Variants in FGD3 observed in about 807,000 individuals in gnomAD.
The protein encoded by FGD3 is FYVE, RhoGEF and PH domain containing 3, also known as FYVE, RhoGEF and PH domain-containing protein 3.
FGD3 carries 45 observed loss-of-function variants against 71.8 expected under a neutral mutation model. The ratio of observed to expected loss-of-function variants is 0.63; its 90% CI spans 0.49 to 0.80. The LOEUF is 0.80. Ranked by LOEUF, FGD3 falls within the 30% of genes least tolerant of loss-of-function variation. The pLI is 0.00. For synonymous variants in FGD3, 378 were observed against 392.8 expected (o/e 0.96, Z 0.44); for missense variants, 844 against 951.5 (o/e 0.89, Z 1.49).
chr9:93,012,432 A>G (rs1457875505), intron 8 of FGD3, among the ~76,000 whole-genome samples: 1 of 152,082 alleles, frequency 6.6e-6, no homozygotes, highest in South Asian at 2.1e-4. Flanking sequence ...AGTGTCAGCC[A>G]TGTGTTACCA....
intron 17 of FGD3, among the ~76,000 whole-genome samples, chr9:93,035,056 G>A (rs1001721301): frequency 6.6e-6 from 1 of 152,190 alleles, no homozygotes; most frequent in Non-Finnish European, 1.5e-5. Context: ...CTCCCCAGGG[G>A]CCAGACAGCC....
intron 1 of FGD3, among the ~76,000 whole-genome samples, chr9:92,962,380 A>G (rs1859184230): frequency 6.6e-6 from 1 of 152,140 alleles, no homozygotes; most frequent in Non-Finnish European, 1.5e-5. Context: ...TGTAGAGGAG[A>G]AGGCTGAACC....
chr9:93,025,663 A>G (rs1862089115), intron 14 of FGD3, among the ~76,000 whole-genome samples: 1 of 152,244 alleles, frequency 6.6e-6, no homozygotes, highest in South Asian at 2.1e-4. Flanking sequence ...CACCCAAGCC[A>G]GGAAGTTTTG....
chr9:93,015,235 C>G (rs1861623091), intron 9 of FGD3, among the ~76,000 whole-genome samples: 1 of 152,070 alleles, frequency 6.6e-6, no homozygotes, highest in African/African-American at 2.4e-5. Context: ...GTGGGCGGAT[C>G]ACCTGAGGTC....
At chr9:93,004,325 C>T (rs553253939) in intron 5 of FGD3, among the ~76,000 whole-genome samples, 188 bp downstream of exon 5, 4 of 152,298 alleles carry the variant, frequency 2.6e-5, no homozygotes, top group South Asian at 4.1e-4. Flanking sequence ...CAGCCACTTA[C>T]GGTCTCCAAG....
At chr9:92,977,285 AGTTT>A (rs1385138573) in intron 3 of FGD3, among the ~76,000 whole-genome samples, 2 of 151,802 alleles carry the variant, frequency 1.3e-5, no homozygotes, top group African/African-American at 4.8e-5. Context: ...GCATGGAGGG[AGTTT>A]GTTTGCGTTC....
At chr9:92,993,483 T>C (rs1044692562) in intron 3 of FGD3, among the ~76,000 whole-genome samples, 4 of 152,204 alleles carry the variant, frequency 2.6e-5, no homozygotes, top group African/African-American at 9.6e-5. Flanking sequence ...ATTATTATTA[T>C]ACTTCAAGTT....
At chr9:92,986,669 G>C (rs1860198424) in intron 3 of FGD3, among the ~76,000 whole-genome samples, 1 of 152,208 alleles carries the variant, frequency 6.6e-6, no homozygotes, top group African/African-American at 2.4e-5. Flanking sequence ...AAGTAGGCAG[G>C]GTCCTTAAAG....
intron 1 of FGD3, among the ~76,000 whole-genome samples, chr9:92,968,453 C>T (rs927841209): frequency 5.3e-5 from 8 of 152,108 alleles, no homozygotes; most frequent in Admixed American, 3.3e-4. Context: ...ACTGAGTTCT[C>T]AGCAGAGATG....
chr9:92,999,487 C>A (rs1280494900), intron 3 of FGD3, among the ~76,000 whole-genome samples: 1 of 151,984 alleles, frequency 6.6e-6, no homozygotes, highest in Non-Finnish European at 1.5e-5. Context: ...CCAGTGAGAT[C>A]AACCTGGTAC....
At chr9:93,023,604 CTCT>C (rs1862009269) in intron 14 of FGD3, among the ~76,000 whole-genome samples, 2 of 152,142 alleles carry the variant, frequency 1.3e-5, no homozygotes, top group South Asian at 4.1e-4. Flanking sequence ...TCTCACTTGT[CTCT>C]TCTTGTGTCT....
chr9:92,971,076 C>G lies in FGD3; in HGVS notation c.-217-4162C>G, dbSNP rs116710812. On this transcript the variant is annotated intron_variant, in intron 1 of 17. Coordinates refer to ENST00000375482, the MANE Select transcript of FGD3 (RefSeq NM_001083536.2). ...TTAGGGGCTCCTCAACCCAGGTTGC[C>G]CCCACCAAGGGCACCCTAAAAACCT... Among the ~76,000 whole-genome samples the G allele has an allele frequency of 7.3e-3, 1,119 of 152,284 alleles. 16 individuals are homozygous for G. Among genetic ancestry groups the G allele is most frequent in the African/African-American group, 0.025 (1,044 of 41,564 alleles).
At chr9:92,978,534 G>A (rs928938994) in intron 3 of FGD3, among the ~76,000 whole-genome samples, 1 of 151,764 alleles carries the variant, frequency 6.6e-6, no homozygotes, top group Non-Finnish European at 1.5e-5. Context: ...TGGCCAGTTT[G>A]CAGAGGCTGC....
At chr9:93,001,343 A>G (rs548965823) in intron 3 of FGD3, among the ~76,000 whole-genome samples, 23 of 152,262 alleles carry the variant, frequency 1.5e-4, no homozygotes, top group African/African-American at 4.1e-4. Flanking sequence ...TGATTGGGCT[A>G]CATTTTTCTG....
rs1312970847 is a variant in FGD3, at chr9:93,025,881, C to T, written c.1557+3492C>T. Among the ~76,000 whole-genome samples the T allele has an allele frequency of 2.6e-5, 4 of 152,234 alleles. No homozygotes were observed. In the East Asian group the frequency reaches 7.7e-4, roughly 29 times the overall value. On this transcript the variant is annotated intron_variant, in intron 14 of 17. Coordinates refer to ENST00000375482, the MANE Select transcript of FGD3 (RefSeq NM_001083536.2). Reference sequence around the variant, plus strand: ...GGGCCTCTTCTCAGGCACTGCCCCTCCTGGGACGAGGCCACGCCCTGTGTC... The same window carrying T: ...GGGCCTCTTCTCAGGCACTGCCCCTTCTGGGACGAGGCCACGCCCTGTGTC...
At position 93,006,115 on chromosome 9, in the gene FGD3, G is replaced by A. The variant is rs371917520; in HGVS notation, c.772G>A (p.Val258Ile). The change falls in exon 6 of 18, where the codon GTA (valine) becomes ATA (isoleucine). Residue 258 changes from valine to isoleucine, a missense_variant. By Grantham distance (29) the Val-to-Ile change is conservative (BLOSUM62 3). Coordinates refer to ENST00000375482, the MANE Select transcript of FGD3 (RefSeq NM_001083536.2). Reference protein sequence around the residue: ...GEYVKNFDRAVGLVSTWTQRS... With the variant: ...GEYVKNFDRAIGLVSTWTQRS... ...GTATGTCAAGAACTTTGACCGAGCC[G>A]TAGGGCTGGTGAGCACGTGGACCCA... is the stretch of plus-strand genomic sequence containing the variant. 3.2e-5 allele frequency: 52 copies of A among 1,613,176 alleles called. No individual in the cohort carries two copies. The highest frequency in any genetic ancestry group is 1.3e-4 in the South Asian group (12 of 90,914).
At chr9:92,983,551 T>C (rs1860077061) in intron 3 of FGD3, among the ~76,000 whole-genome samples, 1 of 152,116 alleles carries the variant, frequency 6.6e-6, no homozygotes, top group East Asian at 1.9e-4. Flanking sequence ...GAAAAACAGT[T>C]ATCATTATTA....
chr9:93,004,237 G>A (rs1860966552), intron 5 of FGD3, 100 bp downstream of exon 5: 1 of 1,489,152 alleles, frequency 6.7e-7, no homozygotes, highest in African/African-American at 1.4e-5. Context: ...ACTGTCTCAT[G>A]GTGGCTGGGC....
rs191016255 is a variant in FGD3 at position 93,011,372 on chromosome 9, G to T, written c.1035+100G>T. ...CCCCTTTGCCGCTATCCTTTGGGGG[G>T]CTCCACAAGTGACTCTTTTATACCT... On this transcript the variant is annotated intron_variant, in intron 8 of 17. Transcript: ENST00000375482. 9.1e-6 allele frequency: 13 copies of T among 1,433,770 alleles called. No individual in the cohort carries two copies. The African/African-American group carries it at 1.3e-4, about 14-fold the overall frequency. 88.8% of individuals were successfully genotyped at this position (1,433,770 alleles called of 1,614,324 possible). A position where few individuals can be genotyped will look rare whatever the true frequency, so the allele number is the denominator to read the frequency against.
Sources: gnomAD v4.1 joint callset for allele counts (sites outside exome capture counted in the v4.1 genomes callset) on GRCh38, gnomAD v4.1.1 for gene constraint, MANE v1.5 for transcripts, NCBI Gene and HGNC (gene_info 2026-07-23, HGNC 2026-07-21) for gene names.